Variants in PAX7 observed in about 807,000 individuals in gnomAD.
The protein encoded by PAX7 is paired box protein Pax-7.
A neutral mutation model predicts 50.7 loss-of-function variants in PAX7; 18 were observed. The observed-to-expected ratio is 0.36, with a 90% CI of 0.25 to 0.53. PAX7 has a LOEUF of 0.53. Ranked by LOEUF, PAX7 falls within the 20% of genes least tolerant of loss-of-function variation. The pLI, the probability that PAX7 is intolerant of heterozygous loss-of-function variation, is 0.93. For synonymous variants in PAX7, 310 were observed against 290.4 expected, an observed-to-expected ratio of 1.07 and a Z score of -0.69; for missense variants, 644 against 702.9, an observed-to-expected ratio of 0.92 and a Z score of 0.95.
intron 4 of PAX7, among the ~76,000 whole-genome samples, chr1:18,670,476 C>T (rs1235586861): frequency 4.6e-5 from 7 of 152,120 alleles, no homozygotes; most frequent in Non-Finnish European, 1.5e-5. Context: ...TGTCTGCGCC[C>T]CTCCCACCTC....
rs2088163166 is a variant in PAX7 at position 18,636,647 on chromosome 1, G to T, written c.586+276G>T. On this transcript the variant is annotated intron_variant, in intron 4 of 8. Coordinates refer to ENST00000420770, the MANE Select transcript of PAX7 (RefSeq NM_001135254.2). The surrounding 1 kb of genome is among the most constrained non-coding windows in gnomAD (Gnocchi z 5.1). Reference sequence around the variant, plus strand: ...AGTCCCGGGAGAGCCCGGCTGCGGGGCTGCGCGCCTGGTCTACCCCAATAC... The same window carrying T: ...AGTCCCGGGAGAGCCCGGCTGCGGGTCTGCGCGCCTGGTCTACCCCAATAC... Among the ~76,000 whole-genome samples the T allele has an allele frequency of 6.6e-6, 1 of 152,170 alleles. No individual in the cohort carries two copies. The highest frequency in any genetic ancestry group is 2.4e-5 in the African/African-American group (1 of 41,464).
chr1:18,734,788 G>C (rs1317235037), intron 7 of PAX7, among the ~76,000 whole-genome samples: 1 of 152,118 alleles, frequency 6.6e-6, no homozygotes, highest in Admixed American at 6.5e-5. Context: ...TTTCTCCTCT[G>C]AAGTCTCAGA....
chr1:18,717,342 A>C (rs1336827001), intron 7 of PAX7, among the ~76,000 whole-genome samples: 2 of 152,160 alleles, frequency 1.3e-5, no homozygotes, highest in African/African-American at 4.8e-5. Context: ...CCGGTAAGCA[A>C]GACCCTTGCT....
At chr1:18,744,774 A>G in intron 8 of PAX7, 40 bp from the exon 9 acceptor site, 1 of 1,247,602 alleles carries the variant, frequency 8.0e-7, no homozygotes, top group Non-Finnish European at 1.1e-6. Flanking sequence ...AATAAACAAA[A>G]AGAACCTCAA....
chr1:18,691,163 GAGGTTGGTTCTT>G (rs2089063837), intron 4 of PAX7, among the ~76,000 whole-genome samples: 1 of 152,096 alleles, frequency 6.6e-6, no homozygotes, highest in African/African-American at 2.4e-5. Flanking sequence ...CTTTTTTCTG[GAGGTTGGTTCTT>G]ACTGTGTTGT....
Position 18,746,573 on chromosome 1 carries a change from A to G in PAX7, c.*1644A>G. 1 of 231,502 alleles carries G rather than the reference A, an allele frequency of 4.3e-6. No individual in the cohort carries two copies. 14.3% of individuals were successfully genotyped at this position (231,502 alleles called of 1,614,324 possible). ...GTACAAAGCACTTGGGATGGGAGAC[A>G]CAGCACTGAATTCACAAACATTGGA... On this transcript the variant is annotated 3_prime_UTR_variant, in exon 9 of 9. Transcript: ENST00000420770.
chr1:18,696,706 A>G (rs965908114), intron 5 of PAX7, among the ~76,000 whole-genome samples: 2 of 152,154 alleles, frequency 1.3e-5, no homozygotes, highest in African/African-American at 2.4e-5. Context: ...AAGGCAATTG[A>G]GCTCATGGAG....
intron 4 of PAX7, among the ~76,000 whole-genome samples, chr1:18,666,717 C>T (rs746111550): frequency 2.6e-5 from 4 of 152,180 alleles, no homozygotes. Flanking sequence ...GCAAAGTCCT[C>T]GGGGTTCAAC....
In PAX7 at chr1:18,631,510, AG is replaced by A; in HGVS notation, c.-93del. 1.9e-6 allele frequency: 2 copies of A among 1,042,312 alleles called. No individual in the cohort carries two copies. The highest frequency in any genetic ancestry group is 2.9e-6 in the Non-Finnish European group (2 of 684,714). 64.6% of individuals were successfully genotyped at this position (1,042,312 alleles called of 1,614,324 possible). ...GAAGAGGTTAAAAAAAAGAAGACGAAGAAGACGGAAAGAAAGAGATCGCAGC... is the reference window on the plus strand; with the variant it reads ...GAAGAGGTTAAAAAAAAGAAGACGAAAAGACGGAAAGAAAGAGATCGCAGC... On this transcript the variant is annotated 5_prime_UTR_variant, in exon 1 of 9. Coordinates refer to ENST00000420770, the MANE Select transcript of PAX7 (RefSeq NM_001135254.2).
chr1:18,736,273 T>C, intron 8 of PAX7: 2 of 412,482 alleles, frequency 4.8e-6, no homozygotes, highest in African/African-American at 2.0e-5. Flanking sequence ...AAGACCAGCC[T>C]GGTCAACATG....
At chr1:18,633,164 G>A (rs2088084873) in intron 1 of PAX7, among the ~76,000 whole-genome samples, 1 of 152,176 alleles carries the variant, frequency 6.6e-6, no homozygotes, top group Non-Finnish European at 1.5e-5. Flanking sequence ...GGGACCGGGA[G>A]AGCGAGGGAG....
At chr1:18,675,303 A>C (rs1180473091) in intron 4 of PAX7, among the ~76,000 whole-genome samples, 3 of 152,254 alleles carry the variant, frequency 2.0e-5, no homozygotes, top group Non-Finnish European at 2.9e-5. Context: ...TCGCCTTGGA[A>C]AAATCAACCT....
intron 4 of PAX7, among the ~76,000 whole-genome samples, chr1:18,642,810 G>A (rs2088276591): frequency 1.3e-5 from 2 of 152,078 alleles, no homozygotes; most frequent in South Asian, 2.1e-4. Context: ...GGGAAACTTC[G>A]CCATTAGTAG....
At chr1:18,677,348 A>C (rs1480636197) in intron 4 of PAX7, among the ~76,000 whole-genome samples, 5 of 152,082 alleles carry the variant, frequency 3.3e-5, no homozygotes, top group Non-Finnish European at 7.4e-5. Flanking sequence ...CTTTCTCATC[A>C]GCACTCCAGG....
chr1:18,652,774 TC>T (rs1348049147), intron 4 of PAX7, among the ~76,000 whole-genome samples: 9 of 152,146 alleles, frequency 5.9e-5, no homozygotes, highest in Non-Finnish European at 1.2e-4. Context: ...GTGCCTCAGC[TC>T]TTTGGGTCCA....
At chr1:18,667,618 C>T (rs543991430) in intron 4 of PAX7, among the ~76,000 whole-genome samples, 2 of 152,206 alleles carry the variant, frequency 1.3e-5, no homozygotes, top group Non-Finnish European at 2.9e-5. Context: ...AAACACAAAC[C>T]TGTTAGTATC....
intron 4 of PAX7, among the ~76,000 whole-genome samples, chr1:18,646,748 C>T (rs1000992104): frequency 6.6e-6 from 1 of 152,060 alleles, no homozygotes; most frequent in East Asian, 2.0e-4. Context: ...TGGGCCGAGG[C>T]CCCGGCCTAA....
chr1:18,636,046 G>A lies in PAX7; in HGVS notation c.452-191G>A, dbSNP rs1218399977. On this transcript the variant is annotated intron_variant, in intron 3 of 8. Transcript: ENST00000420770. This position sits in a 1 kb window ranked among gnomAD's most constrained non-coding sequence, Gnocchi z 5.1. ...CACCCTGTGAGTGCCCGGGGTGTGA[G>A]TCAGGCTTCTCCAAGTGGATGCTGG... Among the ~76,000 whole-genome samples the A allele has an allele frequency of 3.3e-5, 5 of 152,172 alleles. No individual in the cohort carries two copies. The highest frequency in any genetic ancestry group is 7.3e-5 in the Non-Finnish European group (5 of 68,034).
chr1:18,632,453 G>T lies in PAX7; in HGVS notation c.85+765G>T, dbSNP rs778026328. ...CCCGCCCGGGGAGACCCGATAGGACGGGCGGCGGCGAACCGGGTCCTGGCT... is the reference window on the plus strand; with the variant it reads ...CCCGCCCGGGGAGACCCGATAGGACTGGCGGCGGCGAACCGGGTCCTGGCT... On this transcript the variant is annotated intron_variant, in intron 1 of 8. Transcript: ENST00000420770. This position sits in a 1 kb window ranked among gnomAD's most constrained non-coding sequence, Gnocchi z 6.3. Among the ~76,000 whole-genome samples, 2 of 152,166 alleles carry T rather than the reference G, an allele frequency of 1.3e-5. No individual in the cohort carries two copies. Among genetic ancestry groups the T allele is most frequent in the Non-Finnish European group, 2.9e-5 (2 of 68,036 alleles).
Sources: gnomAD v4.1 joint callset for allele counts (sites outside exome capture counted in the v4.1 genomes callset) on GRCh38, gnomAD v4.1.1 for gene constraint, Gnocchi (gnomAD v3.1) non-coding constraint, MANE v1.5 for transcripts, NCBI Gene and HGNC (gene_info 2026-07-23, HGNC 2026-07-21) for gene names.